GABRB2: variants seen among roughly 807,000 people sequenced by gnomAD.
GABRB2 encodes the protein gamma-aminobutyric acid type A receptor subunit beta2, also known as gamma-aminobutyric acid receptor subunit beta-2.
GABRB2 carries 16 observed loss-of-function variants against 54.7 expected under a neutral mutation model. That is an observed-to-expected ratio of 0.29 (90% CI 0.20 to 0.44). The LOEUF is 0.44. GABRB2 is among the 20% of genes least tolerant of loss of function. The probability of loss-of-function intolerance (pLI) is 1.00; values close to 1 mark genes in which losing one functional copy is unlikely to be tolerated. For missense variants in GABRB2, 355 were observed against 644.0 expected (o/e 0.55, Z 4.86); for synonymous variants, 244 against 233.8 (o/e 1.04, Z -0.40).
Position 161,289,852 on chromosome 5 carries a change from C to T in GABRB2, c.*4229G>A, listed in dbSNP as rs1293602260. On this transcript the variant is annotated 3_prime_UTR_variant, in exon 10 of 10. Coordinates refer to ENST00000393959, the MANE Select transcript of GABRB2 (RefSeq NM_001371727.1). ...GTGTGTGTGATAGCAAATTGAAACCCTTCTGTCTGGGATTCCCAAACCATT... is the reference window on the plus strand; with the variant it reads ...GTGTGTGTGATAGCAAATTGAAACCTTTCTGTCTGGGATTCCCAAACCATT... 1 of 151,394 alleles carries T rather than the reference C, an allele frequency of 6.6e-6. No individual in the cohort carries two copies. The highest frequency in any genetic ancestry group is 2.4e-5 in the African/African-American group (1 of 41,182). The allele number at this position is 151,394 out of a possible 1,614,324, so 9.4% of individuals were successfully genotyped here.
At chr5:161,546,821 T>TA, upstream of GABRB2, 2 of 1,148,114 alleles carry the variant, frequency 1.7e-6, no homozygotes, top group Non-Finnish European at 2.4e-6. Flanking sequence ...AAAAAAAAAT[T>TA]AAAAGGGAAA....
At chr5:161,443,293 A>T (rs1423954761) in intron 4 of GABRB2, among the ~76,000 whole-genome samples, 1 of 152,224 alleles carries the variant, frequency 6.6e-6, no homozygotes, top group Admixed American at 6.5e-5. Flanking sequence ...GAACAATAAT[A>T]ATTTCAACAA....
chr5:161,488,084 T>C (rs1194400070), intron 3 of GABRB2, among the ~76,000 whole-genome samples: 1 of 151,840 alleles, frequency 6.6e-6, no homozygotes, highest in Admixed American at 6.6e-5. Flanking sequence ...AACAAATCAA[T>C]CATTGTTCCT....
At chr5:161,536,252 AGGGGATGAGAGGAGAAACGGAAG>A (rs1760631217) in intron 3 of GABRB2, among the ~76,000 whole-genome samples, 1 of 151,996 alleles carries the variant, frequency 6.6e-6, no homozygotes, top group Non-Finnish European at 1.5e-5. Context: ...AAAGTTCAGG[AGGGGATGAGAGGAGAAACGGAAG>A]GGGGATGAGA....
chr5:161,426,273 A>T (rs907450187), intron 4 of GABRB2, among the ~76,000 whole-genome samples: 2 of 152,150 alleles, frequency 1.3e-5, no homozygotes, highest in African/African-American at 4.8e-5. Context: ...GTGGAAGCAG[A>T]ACCCTAAGAC....
chr5:161,406,500 C>T (rs932662685), intron 5 of GABRB2, among the ~76,000 whole-genome samples: 2 of 151,892 alleles, frequency 1.3e-5, no homozygotes, highest in African/African-American at 4.8e-5. Flanking sequence ...TAAAATATAA[C>T]CACCAAAACT....
At chr5:161,451,711 G>T (rs1398597804) in intron 4 of GABRB2, among the ~76,000 whole-genome samples, 1 of 151,732 alleles carries the variant, frequency 6.6e-6, no homozygotes, top group Admixed American at 6.6e-5. Flanking sequence ...TGGTGAGGAG[G>T]GTTTTATTGA....
intron 9 of GABRB2, among the ~76,000 whole-genome samples, chr5:161,311,118 A>G (rs1757855903): frequency 6.6e-6 from 1 of 152,150 alleles, no homozygotes; most frequent in Non-Finnish European, 1.5e-5. Flanking sequence ...GGTTTTGTCT[A>G]ACTGCTTTCA....
chr5:161,545,307 A>T lies in GABRB2; in HGVS notation c.170-13T>A. 6.3e-7 allele frequency: 1 copy of T among 1,585,380 alleles called. No individual in the cohort carries two copies. ...GCCACGGGGGGACCTGCAAAGCAAG[A>T]CGGCCAGCCACGTGATTTCTTTGAA... On this transcript the variant is annotated splice_polypyrimidine_tract_variant and intron_variant, in intron 2 of 9. Coordinates refer to ENST00000393959, the MANE Select transcript of GABRB2 (RefSeq NM_001371727.1).
At chr5:161,364,329 T>A (rs1168670398) in intron 5 of GABRB2, among the ~76,000 whole-genome samples, 1 of 152,182 alleles carries the variant, frequency 6.6e-6, no homozygotes, top group Non-Finnish European at 1.5e-5. Flanking sequence ...ATCTAGACAT[T>A]GTGATAGCTA....
intron 5 of GABRB2, among the ~76,000 whole-genome samples, chr5:161,393,299 TAAAAAAAAAAAAAAAAAAAAAAAAAAA>T (rs533308700): frequency 0.024 from 982 of 40,332 alleles, 30 homozygotes; most frequent in African/African-American, 0.077. Context: ...TTTAAAAATG[TAAAAAAAAAAAAAAAAAAAAAAAAAAA>T]AAAAAAAAAA....
chr5:161,518,652 A>G lies in GABRB2; in HGVS notation c.237+26575T>C, dbSNP rs77739068. ...AACATTCATAAACACTGCATCCTGC[A>G]TAAGTCAAAGACTTCTAGGAGTTAC... On this transcript the variant is annotated intron_variant, in intron 3 of 9. Coordinates refer to ENST00000393959, the MANE Select transcript of GABRB2 (RefSeq NM_001371727.1). Among the ~76,000 whole-genome samples the G allele has an allele frequency of 1.5e-3, 221 of 152,354 alleles. 1 individual carries two copies. In the East Asian group the frequency reaches 0.025, roughly 17 times the overall value.
intron 3 of GABRB2, among the ~76,000 whole-genome samples, chr5:161,528,468 T>A (rs1324920345): frequency 6.6e-6 from 1 of 151,892 alleles, no homozygotes; most frequent in Non-Finnish European, 1.5e-5. Context: ...TTAATTTTCA[T>A]AATTTCTAAA....
At chr5:161,393,036 G>A (rs1465082762) in intron 5 of GABRB2, among the ~76,000 whole-genome samples, 2 of 151,830 alleles carry the variant, frequency 1.3e-5, no homozygotes, top group South Asian at 2.1e-4. Context: ...ATGACTGCCA[G>A]AAGGACCAAA....
chr5:161,441,717 G>T (rs1020703525), intron 4 of GABRB2, among the ~76,000 whole-genome samples: 1 of 152,124 alleles, frequency 6.6e-6, no homozygotes, highest in African/African-American at 2.4e-5. Flanking sequence ...TCCATCAACA[G>T]ATGAATGAAT....
chr5:161,537,307 C>T (rs1347856954), intron 3 of GABRB2, among the ~76,000 whole-genome samples: 1 of 152,172 alleles, frequency 6.6e-6, no homozygotes, highest in East Asian at 1.9e-4. Flanking sequence ...GCTGACAATG[C>T]TCAGTTCGTC....
At chr5:161,429,252 C>A (rs1446747293) in intron 4 of GABRB2, among the ~76,000 whole-genome samples, 1 of 142,596 alleles carries the variant, frequency 7.0e-6, no homozygotes, top group Non-Finnish European at 1.5e-5. Flanking sequence ...GAGGCTGAAG[C>A]AGGAGAATCG....
chr5:161,470,221 G>C (rs776523381), intron 3 of GABRB2, among the ~76,000 whole-genome samples: 1 of 151,338 alleles, frequency 6.6e-6, no homozygotes, highest in African/African-American at 2.4e-5. Context: ...GTGGTAAGCC[G>C]AACACTACTG....
intron 3 of GABRB2, among the ~76,000 whole-genome samples, chr5:161,516,587 GT>G (rs1476333288): frequency 6.6e-5 from 10 of 152,162 alleles, no homozygotes; most frequent in Non-Finnish European, 1.3e-4. Context: ...GGGCAACGTT[GT>G]TTTTGATATG....
Sources: allele counts gnomAD v4.1 joint callset (sites outside exome capture counted in the v4.1 genomes callset), GRCh38; gene constraint gnomAD v4.1.1; transcripts MANE v1.5; gene names NCBI Gene and HGNC (gene_info 2026-07-23, HGNC 2026-07-21).